RRM1: variants seen among roughly 807,000 people sequenced by gnomAD.
RRM1 encodes the protein ribonucleotide reductase catalytic subunit M1, also known as ribonucleoside-diphosphate reductase large subunit.
In RRM1, 19 loss-of-function variants were observed where a neutral mutation model predicts 101.5. The observed-to-expected ratio is 0.19, with a 90% CI of 0.13 to 0.27. RRM1 has a LOEUF of 0.27. Ranked by LOEUF, RRM1 falls within the 10% of genes least tolerant of loss-of-function variation. The pLI is 1.00. For missense variants in RRM1, 500 were observed against 962.9 expected (o/e 0.52, Z 6.36); for synonymous variants, 298 against 323.4 (o/e 0.92, Z 0.84).
In RRM1 at chr11:4,129,061, G is replaced by T; in HGVS notation, c.1693-13G>T. The T allele has an allele frequency of 7.1e-7, 1 of 1,405,438 alleles. No homozygotes were observed. Among genetic ancestry groups the T allele is most frequent in the Non-Finnish European group, 9.8e-7 (1 of 1,018,666 alleles). The allele number at this position is 1,405,438 out of a possible 1,614,324, so 87.1% of individuals were successfully genotyped here. A position where few individuals can be genotyped will look rare whatever the true frequency, so the allele number is the denominator to read the frequency against. The stretch of plus-strand genomic sequence containing the variant: ...ACTTGCTGTAGAATAAATTTGAGTT[G>T]TGTATTCCTTAGATTCTTCAGTATG... On this transcript the variant is annotated splice_polypyrimidine_tract_variant and intron_variant, in intron 14 of 18. Transcript: ENST00000300738.
intron 8 of RRM1, chr11:4,119,189 T>G (rs997592263): frequency 6.6e-6 from 1 of 152,386 alleles, no homozygotes; most frequent in Non-Finnish European, 1.5e-5. Context: ...AGAAGGAAAT[T>G]ATTCCATTAT....
intron 2 of RRM1, among the ~76,000 whole-genome samples, chr11:4,104,928 T>TG (rs2094556296): frequency 1.3e-5 from 2 of 152,194 alleles, no homozygotes; most frequent in African/African-American, 4.8e-5. Context: ...AAAGTAAGTA[T>TG]GGAGCTGGAG....
At chr11:4,125,124 A>G (rs988246246) in intron 12 of RRM1, among the ~76,000 whole-genome samples, 6 of 152,090 alleles carry the variant, frequency 3.9e-5, no homozygotes, top group African/African-American at 1.4e-4. Flanking sequence ...TATGTTGGCC[A>G]GGATGGTCTC....
chr11:4,126,608 C>G, intron 12 of RRM1, 76 bp from the exon 13 acceptor site: 2 of 1,356,748 alleles, frequency 1.5e-6, no homozygotes, highest in Non-Finnish European at 2.0e-6. Context: ...GTATTAGAGG[C>G]TCACATGGTG....
chr11:4,105,260 T>A (rs1251524373), intron 2 of RRM1, among the ~76,000 whole-genome samples: 1 of 152,166 alleles, frequency 6.6e-6, no homozygotes, highest in African/African-American at 2.4e-5. Flanking sequence ...AGGGTCTCAT[T>A]GTGTCGCCCA....
rs149254189 is a variant in RRM1, at chr11:4,107,480, A to G, written c.332A>G (p.Lys111Arg). The G allele has an allele frequency of 3.1e-6, 5 of 1,613,594 alleles. No individual in the cohort carries two copies. The highest frequency in any genetic ancestry group is 3.4e-6 in the Non-Finnish European group (4 of 1,179,642). Reference sequence around the variant, plus strand: ...AACTACATAAATCCACATAATGGCAAACACTCTCCCATGGTGGCCAAGTCA... The same window carrying G: ...AACTACATAAATCCACATAATGGCAGACACTCTCCCATGGTGGCCAAGTCA... ...LYNYINPHNG[K>R]HSPMVAKSTL... Residue 111 changes from lysine to arginine, a missense_variant, in exon 4 of 19, where the codon AAA (lysine) becomes AGA (arginine). Lys to Arg is a conservative substitution (Grantham distance 26). Transcript: ENST00000300738.
chr11:4,133,154 G>A (rs1203696209), intron 16 of RRM1, among the ~76,000 whole-genome samples: 3 of 151,942 alleles, frequency 2.0e-5, no homozygotes, highest in African/African-American at 4.8e-5. Context: ...ATTATATAAC[G>A]ATTACCACAC....
chr11:4,111,766 G>C, intron 6 of RRM1, 126 bp downstream of exon 6: 1 of 1,188,024 alleles, frequency 8.4e-7, no homozygotes, highest in Non-Finnish European at 1.2e-6. Context: ...GGTTTAGTTT[G>C]TGGATAATTG....
chr11:4,129,097 T>C lies in RRM1; in HGVS notation c.1716T>C (p.Asn572=). Residue 572 remains asparagine, a synonymous_variant, in exon 15 of 19, where the codon AAT becomes AAC. Transcript: ENST00000300738. ...AGATTCTTCAGTATGATATGTGGAATGTTACTCCTACAGACCTATGGGACT... is the reference window on the plus strand; with the variant it reads ...AGATTCTTCAGTATGATATGTGGAACGTTACTCCTACAGACCTATGGGACT... ...SKGILQYDMW[N]VTPTDLWDWK... 4 of 1,601,674 alleles carry C rather than the reference T, an allele frequency of 2.5e-6. No homozygotes were observed. The highest frequency in any genetic ancestry group is 1.7e-4 in the Middle Eastern group (1 of 6,034).
chr11:4,100,212 T>C (rs1351469922), intron 1 of RRM1, among the ~76,000 whole-genome samples: 5 of 152,252 alleles, frequency 3.3e-5, no homozygotes, highest in Non-Finnish European at 7.3e-5. Flanking sequence ...TTATTGTTCA[T>C]TTATTCTTCA....
At chr11:4,127,349 T>G in intron 14 of RRM1, 93 bp downstream of exon 14, 1 of 681,442 alleles carries the variant, frequency 1.5e-6, no homozygotes, top group Non-Finnish European at 2.2e-6. Context: ...TCCTAATTCC[T>G]GGAACCTGTG....
chr11:4,113,128 AT>A (rs1387589577), intron 7 of RRM1, among the ~76,000 whole-genome samples: 2 of 149,190 alleles, frequency 1.3e-5, no homozygotes, highest in Admixed American at 6.7e-5. Flanking sequence ...AAAAAAAAAA[AT>A]ATGCCATTAT....
Position 4,129,678 on chromosome 11 carries a change from C to T in RRM1, c.1769+528C>T, listed in dbSNP as rs1016198784. ...CTAATAAGCATAAGGGATTCGAAGG[C>T]AGACAGAATGTTTTGCAGAGTGAAT... On this transcript the variant is annotated intron_variant, in intron 15 of 18. Coordinates refer to ENST00000300738, the MANE Select transcript of RRM1 (RefSeq NM_001033.5). 1.3e-5 allele frequency among the ~76,000 whole-genome samples: 2 copies of T among 151,956 alleles called. 1 individual carries two copies. The highest frequency in any genetic ancestry group is 4.1e-4 in the South Asian group (2 of 4,828).
At chr11:4,136,299 G>A (rs1412916731) in intron 18 of RRM1, among the ~76,000 whole-genome samples, 3 of 152,046 alleles carry the variant, frequency 2.0e-5, no homozygotes, top group Non-Finnish European at 4.4e-5. Context: ...TTGGCTCACT[G>A]CAACCTCTGT....
At chr11:4,109,911 T>G (rs763093887) in intron 5 of RRM1, among the ~76,000 whole-genome samples, 54 of 152,324 alleles carry the variant, frequency 3.5e-4, no homozygotes, top group Non-Finnish European at 6.0e-4. Context: ...TTCCACATAT[T>G]ACTTCTGGAT....
chr11:4,138,176 G>T lies in RRM1; in HGVS notation c.2191-19G>T. The T allele has an allele frequency of 7.1e-7, 1 of 1,408,746 alleles. No individual in the cohort carries two copies. The highest frequency in any genetic ancestry group is 9.8e-7 in the Non-Finnish European group (1 of 1,017,528). 87.3% of individuals were successfully genotyped at this position (1,408,746 alleles called of 1,614,324 possible). On this transcript the variant is annotated intron_variant, in intron 18 of 18. Transcript: ENST00000300738. Reference sequence around the variant, plus strand: ...TCTCACAGAGTTTCTCCTAATAATTGTCTTTACTTTCCTTGTAGGGTTTGA... The same window carrying T: ...TCTCACAGAGTTTCTCCTAATAATTTTCTTTACTTTCCTTGTAGGGTTTGA...
At chr11:4,111,703 A>G (rs2094565822) in intron 6 of RRM1, 63 bp downstream of exon 6, 5 of 1,407,560 alleles carry the variant, frequency 3.6e-6, no homozygotes, top group Non-Finnish European at 4.9e-6. Flanking sequence ...TATAGCTTTG[A>G]GCTATAAGTC....
At chr11:4,095,838 T>C (rs1402401752) in intron 1 of RRM1, among the ~76,000 whole-genome samples, 1 of 152,222 alleles carries the variant, frequency 6.6e-6, no homozygotes, top group Non-Finnish European at 1.5e-5. Flanking sequence ...GGGAACAGGC[T>C]TCATCGGGTT....
intron 15 of RRM1, among the ~76,000 whole-genome samples, chr11:4,130,088 T>TATATATAATATATA: frequency 2.1e-5 from 1 of 48,178 alleles, no homozygotes; most frequent in South Asian, 7.7e-4. Context: ...ATATATATAT[T>TATATATAATATATA]TTTTTTTTTT....
Sources: allele counts gnomAD v4.1 joint callset (sites outside exome capture counted in the v4.1 genomes callset), GRCh38; gene constraint gnomAD v4.1.1; transcripts MANE v1.5; gene names NCBI Gene and HGNC (gene_info 2026-07-23, HGNC 2026-07-21).